The following TVP23C variants were observed in gnomAD, a reference collection of about 807,000 sequenced individuals.
TVP23C encodes the protein Golgi apparatus membrane protein TVP23 homolog C.
A neutral mutation model predicts 28.7 loss-of-function variants in TVP23C; 19 were observed. That is an observed-to-expected ratio of 0.66 (90% confidence interval 0.46 to 0.97). The LOEUF (loss-of-function observed/expected upper bound fraction) is 0.97. Ranked by LOEUF, TVP23C falls within the 50% of genes least tolerant of loss-of-function variation. TVP23C has a pLI of 0.00. For missense variants in TVP23C, 186 were observed against 241.3 expected (o/e 0.77, Z 1.52); for synonymous variants, 68 against 81.7 (o/e 0.83, Z 0.90).
chr17:15,519,370 G>A (rs920825325), intron 5 of TVP23C, among the ~76,000 whole-genome samples: 8 of 151,992 alleles, frequency 5.3e-5, no homozygotes, highest in Non-Finnish European at 1.2e-4. Flanking sequence ...GCTTTGGAAG[G>A]GTGAGGCAGG....
chr17:15,522,255 G>A (rs1231054806), intron 5 of TVP23C, among the ~76,000 whole-genome samples: 2 of 152,126 alleles, frequency 1.3e-5, no homozygotes, highest in Non-Finnish European at 2.9e-5. Flanking sequence ...GAGTAAAAAG[G>A]AAATTCACAA....
At chr17:15,522,110 G>A (rs560808218) in intron 5 of TVP23C, among the ~76,000 whole-genome samples, 8 of 152,266 alleles carry the variant, frequency 5.3e-5, no homozygotes, top group Admixed American at 5.2e-4. Context: ...AGGAAAGAAA[G>A]AATTGTGAGC....
Position 15,561,034 on chromosome 17 carries a change from A to G in TVP23C, c.12+2403T>C, listed in dbSNP as rs1379292157. Among the ~76,000 whole-genome samples the G allele has an allele frequency of 2.6e-5, 4 of 152,102 alleles. No homozygotes were observed. The South Asian group carries it at 8.3e-4, about 32-fold the overall frequency. On this transcript the variant is annotated intron_variant, in intron 1 of 5. Coordinates refer to ENST00000518321, the MANE Select transcript of TVP23C (RefSeq NM_001135036.2). ...AGACAGGAAGACCTAAGAATGGAGC[A>G]CTGACAGTCCAATTATCATAAAAGA...
chr17:15,548,994 C>T (rs2938170), intron 3 of TVP23C, among the ~76,000 whole-genome samples: 58,545 of 152,018 alleles, frequency 0.39, 11,798 homozygotes, highest in East Asian at 0.54. Context: ...CCGCAGAAAG[C>T]GAAACCTCAG....
intron 5 of TVP23C, among the ~76,000 whole-genome samples, chr17:15,527,265 A>G (rs1339156755): frequency 6.6e-6 from 1 of 152,206 alleles, no homozygotes; most frequent in Non-Finnish European, 1.5e-5. Flanking sequence ...TTTCAGAGCA[A>G]AGCCCAATTC....
At chr17:15,556,299 C>G (rs183274002) in intron 1 of TVP23C, among the ~76,000 whole-genome samples, 41 of 152,134 alleles carry the variant, frequency 2.7e-4, no homozygotes, top group African/African-American at 9.4e-4. Flanking sequence ...TTTTAAGAAC[C>G]CTGATCCTGA....
In TVP23C at chr17:15,538,462, C is replaced by A; in HGVS notation, c.*1950G>T. The A allele has an allele frequency of 4.5e-6, 3 of 672,022 alleles. No individual in the cohort carries two copies. Among genetic ancestry groups the A allele is most frequent in the Non-Finnish European group, 5.5e-6 (3 of 544,072 alleles). 41.6% of individuals were successfully genotyped at this position (672,022 alleles called of 1,614,324 possible). A position where few individuals can be genotyped will look rare whatever the true frequency, so the allele number is the denominator to read the frequency against. ...AAAATTAGCCAGGCGTGGTGGCGGG[C>A]GCCTGCAATCCCAGCTACTCGGGAG... is the stretch of plus-strand genomic sequence containing the variant. On this transcript the variant is annotated 3_prime_UTR_variant, in exon 6 of 6. Transcript: ENST00000518321.
intron 5 of TVP23C, 62 bp from the exon 6 acceptor site, chr17:15,540,623 A>G (rs2150848717): frequency 3.3e-6 from 5 of 1,517,938 alleles, no homozygotes; most frequent in Non-Finnish European, 4.5e-6. Context: ...TCTCTGTGCC[A>G]TAAATGAGAC....
intron 5 of TVP23C, among the ~76,000 whole-genome samples, chr17:15,514,303 C>G (rs1196329993): frequency 1.3e-5 from 2 of 152,050 alleles, no homozygotes; most frequent in African/African-American, 4.8e-5. Context: ...TTCAAAAGAA[C>G]AGGAAATGTT....
At chr17:15,551,257 C>A (rs77796221) in intron 3 of TVP23C, among the ~76,000 whole-genome samples, 1 of 149,732 alleles carries the variant, frequency 6.7e-6, no homozygotes, top group Non-Finnish European at 1.5e-5. Context: ...TGCCACCATG[C>A]CCGGCTCATT....
chr17:15,507,409 G>T (rs1567629239), intron 5 of TVP23C: 1 of 590,872 alleles, frequency 1.7e-6, no homozygotes, highest in Non-Finnish European at 3.1e-6. Context: ...AGCTCAGAGA[G>T]AGCACCCTCC....
rs1207704109 is a variant in TVP23C at position 15,545,799 on chromosome 17, T to C, written c.448A>G (p.Thr150Ala). The C allele has an allele frequency of 6.2e-7, 1 of 1,613,314 alleles. No individual in the cohort carries two copies. Among genetic ancestry groups the C allele is most frequent in the Non-Finnish European group, 8.5e-7 (1 of 1,179,806 alleles). Residue 150 changes from threonine to alanine, a missense_variant, in exon 5 of 6, where the codon ACA becomes GCA. This residue lies in a region of TVP23C where 74 missense variants were observed against 96.0 expected (regional missense o/e 0.77). Coordinates refer to ENST00000518321, the MANE Select transcript of TVP23C (RefSeq NM_001135036.2). ...IFAFSALFSF[T>A]VKWLAVVIMG... ...CTGATACTCACCAGCCACTTTACTG[T>C]GAAGGAGAAGAGTGCACTAAAGGCA...
chr17:15,559,487 A>C (rs1194404965), intron 1 of TVP23C, among the ~76,000 whole-genome samples: 1 of 148,810 alleles, frequency 6.7e-6, no homozygotes, highest in Non-Finnish European at 1.5e-5. Flanking sequence ...AAAGCATTGA[A>C]AGGGAGATCC....
chr17:15,505,208 C>T (rs111318089), intron 5 of TVP23C, among the ~76,000 whole-genome samples: 1 of 152,134 alleles, frequency 6.6e-6, no homozygotes, highest in Non-Finnish European at 1.5e-5. Flanking sequence ...ACAAAAAAAA[C>T]CCCTGCATGT....
At chr17:15,560,110 A>C (rs1984312425) in intron 1 of TVP23C, among the ~76,000 whole-genome samples, 1 of 149,102 alleles carries the variant, frequency 6.7e-6, no homozygotes. Context: ...GCCAGGCTGG[A>C]GTGCAATGGT....
At chr17:15,558,701 C>G (rs1984243281) in intron 1 of TVP23C, among the ~76,000 whole-genome samples, 1 of 148,400 alleles carries the variant, frequency 6.7e-6, no homozygotes, top group Admixed American at 6.8e-5. Flanking sequence ...CTGAATCAGG[C>G]AAGGAAACTG....
intron 3 of TVP23C, among the ~76,000 whole-genome samples, chr17:15,550,370 T>C (rs1983833999): frequency 6.6e-6 from 1 of 152,194 alleles, no homozygotes; most frequent in African/African-American, 2.4e-5. Context: ...GAGTAGAAAA[T>C]GTAGGTGCTT....
At chr17:15,532,928 G>C (rs542878314), downstream of TVP23C, among the ~76,000 whole-genome samples, 3 of 152,198 alleles carry the variant, frequency 2.0e-5, no homozygotes, top group South Asian at 6.2e-4. Flanking sequence ...GTCCATGCTG[G>C]TTTCCAAAGC....
chr17:15,528,636 T>C (rs1982825248), intron 5 of TVP23C, among the ~76,000 whole-genome samples: 1 of 151,534 alleles, frequency 6.6e-6, no homozygotes, highest in African/African-American at 2.4e-5. Context: ...AGATGGAGTC[T>C]CATTTGTCAC....
Sources: allele counts gnomAD v4.1 joint callset (sites outside exome capture counted in the v4.1 genomes callset), GRCh38; gene constraint gnomAD v4.1.1; regional missense constraint gnomAD v4.1.1; transcripts MANE v1.5; gene names NCBI Gene and HGNC (gene_info 2026-07-23, HGNC 2026-07-21).